RUVBL1: variants seen among roughly 807,000 people sequenced by gnomAD.
RUVBL1 encodes ruvB-like 1.
RUVBL1 carries 4 observed loss-of-function variants against 52.4 expected under a neutral mutation model. The ratio of observed to expected loss-of-function variants is 0.08; its 90% CI spans 0.04 to 0.17. RUVBL1 has a LOEUF of 0.17. Ranked by LOEUF, RUVBL1 falls within the 10% of genes least tolerant of loss-of-function variation. The probability of loss-of-function intolerance (pLI) is 1.00; values close to 1 mark genes in which losing one functional copy is unlikely to be tolerated. For synonymous variants in RUVBL1, 217 were observed against 214.4 expected, an observed-to-expected ratio of 1.01 and a Z score of -0.10; for missense variants, 298 against 572.8, an observed-to-expected ratio of 0.52 and a Z score of 4.90.
intron 3 of RUVBL1, among the ~76,000 whole-genome samples, chr3:128,108,166 C>T (rs1163723351): frequency 1.3e-5 from 2 of 152,198 alleles, no homozygotes; most frequent in Non-Finnish European, 2.9e-5. Flanking sequence ...GCACAGACTC[C>T]CTGCTTTTTA....
At chr3:128,118,764 C>T (rs1559827030) in intron 2 of RUVBL1, among the ~76,000 whole-genome samples, 1 of 152,210 alleles carries the variant, frequency 6.6e-6, no homozygotes, top group East Asian at 1.9e-4. Context: ...CCTTAAATTC[C>T]AGCTGCATTT....
At chr3:128,066,703 T>G in intron 9 of RUVBL1, 1 of 530,496 alleles carries the variant, frequency 1.9e-6, no homozygotes. Flanking sequence ...GGATTACAGG[T>G]GTAAGTCACC....
chr3:128,091,778 A>AC (rs1942847815), intron 8 of RUVBL1, among the ~76,000 whole-genome samples: 1 of 152,150 alleles, frequency 6.6e-6, no homozygotes, highest in Non-Finnish European at 1.5e-5. Flanking sequence ...CTTGGCCTCT[A>AC]CCCACTAGAT....
At chr3:128,153,600 C>T (rs776696203) in exon 1 of RUVBL1, 8 of 1,591,266 alleles carry the variant, frequency 5.0e-6, no homozygotes, top group South Asian at 1.1e-5. Flanking sequence ...GCACCACAGC[C>T]TCCACCGCCG....
chr3:128,103,961 T>C (rs1008185075), intron 4 of RUVBL1, among the ~76,000 whole-genome samples: 3 of 152,212 alleles, frequency 2.0e-5, no homozygotes, highest in African/African-American at 7.2e-5. Context: ...GCTCTCACGA[T>C]AACATTAACA....
upstream of RUVBL1, chr3:128,123,862 G>T: frequency 7.4e-7 from 1 of 1,346,308 alleles, no homozygotes; most frequent in East Asian, 2.8e-5. Flanking sequence ...TGGTGGAAGC[G>T]GGAACACCTC....
chr3:128,134,525 G>T (rs867724479), intron 1 of RUVBL1, among the ~76,000 whole-genome samples: 1 of 150,442 alleles, frequency 6.6e-6, no homozygotes, highest in South Asian at 2.1e-4. Flanking sequence ...GGTGGCTCAT[G>T]CCTGTAATCC....
At chr3:128,098,592 G>C (rs1943037771) in intron 7 of RUVBL1, among the ~76,000 whole-genome samples, 2 of 152,150 alleles carry the variant, frequency 1.3e-5, no homozygotes, top group Non-Finnish European at 2.9e-5. Context: ...CAGCCCCAAG[G>C]CTCCAGAGCC....
At chr3:128,102,343 A>T (rs1034133151) in intron 4 of RUVBL1, among the ~76,000 whole-genome samples, 1 of 152,268 alleles carries the variant, frequency 6.6e-6, no homozygotes, top group Admixed American at 6.5e-5. Context: ...CTGCCTGCTT[A>T]TATCTCCAGG....
intron 3 of RUVBL1, 119 bp from the exon 4 acceptor site, chr3:128,105,043 G>T: frequency 3.8e-6 from 4 of 1,041,498 alleles, no homozygotes; most frequent in Non-Finnish European, 2.7e-6. Context: ...ACATTCCAGG[G>T]TGTCATGATG....
chr3:128,072,110 C>T (rs1034163265), intron 9 of RUVBL1, among the ~76,000 whole-genome samples: 1 of 152,214 alleles, frequency 6.6e-6, no homozygotes, highest in East Asian at 1.9e-4. Context: ...CAGACCCGAC[C>T]TGTAGCCAAG....
In RUVBL1 at chr3:128,082,446, C is replaced by G. The variant is rs759403014; in HGVS notation, c.1211+37G>C. On this transcript the variant is annotated intron_variant, in intron 10 of 10. Transcript: ENST00000322623. This position sits in a 1 kb window ranked among gnomAD's most constrained non-coding sequence, Gnocchi z 4.7. Reference sequence around the variant, plus strand: ...GACCCCAGCGAGGGCCCTGGCTGTGCTGGGGAGGCCCCGGCGGGCCCAGGG... The same window carrying G: ...GACCCCAGCGAGGGCCCTGGCTGTGGTGGGGAGGCCCCGGCGGGCCCAGGG... 4 of 1,530,024 alleles carry G rather than the reference C, an allele frequency of 2.6e-6. No individual in the cohort carries two copies. The Admixed American group carries it at 6.7e-5, about 26-fold the overall frequency. 94.8% of individuals were successfully genotyped at this position (1,530,024 alleles called of 1,614,324 possible).
intron 8 of RUVBL1, among the ~76,000 whole-genome samples, chr3:128,094,969 G>A (rs899707155): frequency 3.9e-5 from 6 of 152,176 alleles, no homozygotes; most frequent in Admixed American, 6.5e-5. Flanking sequence ...GCAAACAACC[G>A]AATCTGCGTT....
chr3:128,111,956 G>A (rs1943405584), intron 3 of RUVBL1, among the ~76,000 whole-genome samples: 1 of 152,174 alleles, frequency 6.6e-6, no homozygotes, highest in African/African-American at 2.4e-5. Context: ...ACACATAAAA[G>A]GATATTCCTA....
chr3:128,130,595 C>CA lies in RUVBL1; in HGVS notation c.-39-11182dup, dbSNP rs71153121. 5.3e-3 allele frequency among the ~76,000 whole-genome samples: 559 copies of CA among 104,910 alleles called. 5 individuals are homozygous for CA. The highest frequency in any genetic ancestry group is 0.011 in the Middle Eastern group (2 of 182). The allele number at this position is 104,910 out of a possible 152,430, so 68.8% of individuals were successfully genotyped here. On this transcript the variant is annotated intron_variant, in intron 1 of 9. Transcript: ENST00000464873. ...GGGAAATAGCAAGACCCCATCTCTA[C>CA]AAAAAAAAAAAAAAAAAAATTTTAT...
chr3:128,106,428 C>T (rs183201069), intron 3 of RUVBL1, among the ~76,000 whole-genome samples: 100 of 152,260 alleles, frequency 6.6e-4, no homozygotes, highest in Middle Eastern at 3.4e-3. Flanking sequence ...GCTTAGGCAA[C>T]TCCTCCTAGC....
At chr3:128,121,773 T>A (rs1043484602) in intron 1 of RUVBL1, among the ~76,000 whole-genome samples, 3 of 147,908 alleles carry the variant, frequency 2.0e-5, no homozygotes, top group Non-Finnish European at 3.0e-5. Flanking sequence ...CATATCATAA[T>A]CCCCAGCACT....
At chr3:128,076,469 T>C (rs1249534467), downstream of RUVBL1, among the ~76,000 whole-genome samples, 1 of 152,092 alleles carries the variant, frequency 6.6e-6, no homozygotes, top group African/African-American at 2.4e-5. This position sits in a 1 kb window ranked among gnomAD's most constrained non-coding sequence, Gnocchi z 6.8. Context: ...ATGGGACCTG[T>C]GGAAGGGTTT....
intron 2 of RUVBL1, among the ~76,000 whole-genome samples, chr3:128,118,583 T>C (rs1182357013): frequency 7.3e-6 from 1 of 136,728 alleles, no homozygotes; most frequent in East Asian, 2.1e-4. Context: ...AATTGGGAAC[T>C]CTGGTGAGTT....
Sources: allele counts gnomAD v4.1 joint callset (sites outside exome capture counted in the v4.1 genomes callset), GRCh38; gene constraint gnomAD v4.1.1; non-coding constraint Gnocchi (gnomAD v3.1); transcripts MANE v1.5; gene names NCBI Gene and HGNC (gene_info 2026-07-23, HGNC 2026-07-21).